Variants in NADK2 observed in about 807,000 individuals in gnomAD.
NADK2 encodes NAD kinase domain-containing protein 1, mitochondrial.
In NADK2, 35 loss-of-function variants were observed where a neutral mutation model predicts 62.1. The observed-to-expected ratio is 0.56, with a 90% CI of 0.43 to 0.75. The LOEUF (loss-of-function observed/expected upper bound fraction) is 0.75, where lower values mean the gene tolerates loss of function less well. Among genes scored for constraint, NADK2 ranks in the 30% least tolerant of loss-of-function variants. NADK2 has a pLI of 0.00. For missense variants in NADK2, 439 were observed against 561.3 expected (o/e 0.78, Z 2.20); for synonymous variants, 205 against 207.9 (o/e 0.99, Z 0.12).
At position 36,211,897 on chromosome 5, in the gene NADK2, A is replaced by C; in HGVS notation, c.807T>G (p.Leu269=). Residue 269 remains leucine (L), a synonymous_variant, in exon 7 of 12, where the codon CTT becomes CTG. Coordinates refer to ENST00000381937, the MANE Select transcript of NADK2 (RefSeq NM_001085411.3). ...DERSEASGPQ[L]LPVRALNEVF... Reference sequence around the variant, plus strand: ...CTTCATTTAGTGCTCTCACTGGCAGAAGTTGGGGTCCTGAAGCCTCAGACC... The same window carrying C: ...CTTCATTTAGTGCTCTCACTGGCAGCAGTTGGGGTCCTGAAGCCTCAGACC... The C allele has an allele frequency of 6.2e-7, 1 of 1,613,780 alleles. No individual in the cohort carries two copies. Among genetic ancestry groups the C allele is most frequent in the Middle Eastern group, 1.7e-4 (1 of 6,054 alleles).
chr5:36,204,845 A>G (rs191086932), intron 8 of NADK2, among the ~76,000 whole-genome samples: 96 of 152,156 alleles, frequency 6.3e-4, no homozygotes, highest in African/African-American at 2.2e-3. Context: ...AGAGGTAACA[A>G]GATTGGGCAT....
intron 7 of NADK2, among the ~76,000 whole-genome samples, chr5:36,210,424 T>G (rs1368725020): frequency 6.6e-6 from 1 of 152,220 alleles, no homozygotes; most frequent in Non-Finnish European, 1.5e-5. Flanking sequence ...TTAACCTTAA[T>G]TTTTGCAATA....
In NADK2 at chr5:36,193,539, C is replaced by CTTCTT. The variant is rs1262136191; in HGVS notation, c.*1600_*1604dup. ...TTAGGGGAGGTTCTATAGTATGGAGCTTCTTTATAAAGTGGTATCTTATGT... is the reference window on the plus strand; with the variant it reads ...TTAGGGGAGGTTCTATAGTATGGAGCTTCTTTTCTTTATAAAGTGGTATCTTATGT... On this transcript the variant is annotated 3_prime_UTR_variant, in exon 12 of 12. Transcript: ENST00000381937. The CTTCTT allele has an allele frequency of 1.4e-5, 2 of 145,362 alleles. No individual in the cohort carries two copies. Among genetic ancestry groups the CTTCTT allele is most frequent in the Non-Finnish European group, 3.0e-5 (2 of 67,046 alleles). The allele number at this position is 145,362 out of a possible 1,614,324, so 9.0% of individuals were successfully genotyped here. A position where few individuals can be genotyped will look rare whatever the true frequency, so the allele number is the denominator to read the frequency against.
intron 4 of NADK2, among the ~76,000 whole-genome samples, chr5:36,219,898 T>C (rs973128988): frequency 2.0e-5 from 3 of 152,186 alleles, no homozygotes; most frequent in Non-Finnish European, 4.4e-5. Context: ...TTTAATGCCA[T>C]AATACATAAT....
chr5:36,238,231 G>C (rs1747980371), intron 1 of NADK2, among the ~76,000 whole-genome samples: 1 of 152,206 alleles, frequency 6.6e-6, no homozygotes. Flanking sequence ...CTGCCCAAGT[G>C]CTACAACCTA....
intron 1 of NADK2, among the ~76,000 whole-genome samples, chr5:36,238,814 A>G (rs944765492): frequency 1.2e-4 from 18 of 152,262 alleles, no homozygotes; most frequent in East Asian, 1.2e-3. Context: ...TTTTAAAATA[A>G]AGCAATGTAA....
intron 11 of NADK2, 46 bp downstream of exon 11, chr5:36,197,495 A>G: frequency 6.2e-7 from 1 of 1,610,074 alleles, no homozygotes; most frequent in South Asian, 1.1e-5. Context: ...GCTTTGTAAC[A>G]ATGAAAGGGA....
chr5:36,197,898 A>T (rs931611795), intron 10 of NADK2, among the ~76,000 whole-genome samples: 3 of 152,038 alleles, frequency 2.0e-5, no homozygotes, highest in African/African-American at 7.2e-5. Flanking sequence ...ACAATACAGT[A>T]GGAATAGGTA....
At chr5:36,210,086 C>G (rs948293796) in intron 7 of NADK2, among the ~76,000 whole-genome samples, 21 of 152,110 alleles carry the variant, frequency 1.4e-4, no homozygotes, top group African/African-American at 4.8e-4. Flanking sequence ...TTATGGAACT[C>G]TTAGTAAACT....
chr5:36,226,501 C>A lies in NADK2; in HGVS notation c.452G>T (p.Trp151Leu). The A allele has an allele frequency of 6.2e-7, 1 of 1,612,846 alleles. No homozygotes were observed. Among genetic ancestry groups the A allele is most frequent in the Non-Finnish European group, 8.5e-7 (1 of 1,179,344 alleles). The change falls in exon 3 of 12, where the codon TGG becomes TTG. Residue 151 changes from tryptophan to leucine, a missense_variant. Coordinates refer to ENST00000381937, the MANE Select transcript of NADK2 (RefSeq NM_001085411.3). Reference protein sequence around the residue: ...RREYDEETVRWADAVIAAGGD... With the variant: ...RREYDEETVRLADAVIAAGGD... ...TCCTGCAGCTATGACAGCATCTGCCCATCGAACAGTCTCTTCATCATATTC... is the reference window on the plus strand; with the variant it reads ...TCCTGCAGCTATGACAGCATCTGCCAATCGAACAGTCTCTTCATCATATTC...
chr5:36,216,477 C>T (rs1474618514), intron 6 of NADK2, among the ~76,000 whole-genome samples: 2 of 152,008 alleles, frequency 1.3e-5, no homozygotes, highest in East Asian at 3.9e-4. Context: ...AAGTCTTAGC[C>T]ATAAAATCTT....
chr5:36,223,751 G>A (rs1413732753), intron 4 of NADK2, among the ~76,000 whole-genome samples: 1 of 152,166 alleles, frequency 6.6e-6, no homozygotes, highest in Admixed American at 6.5e-5. Flanking sequence ...CAAAGTTTTA[G>A]AAAATAACTG....
At chr5:36,228,380 G>A (rs1456027390) in intron 1 of NADK2, among the ~76,000 whole-genome samples, 1 of 152,036 alleles carries the variant, frequency 6.6e-6, no homozygotes, top group Non-Finnish European at 1.5e-5. Context: ...TGTGTTATTT[G>A]TACTTTCTTT....
intron 11 of NADK2, among the ~76,000 whole-genome samples, chr5:36,195,823 G>C (rs948558332): frequency 1.3e-5 from 2 of 152,088 alleles, no homozygotes; most frequent in Non-Finnish European, 2.9e-5. Flanking sequence ...TCAAGCATAC[G>C]CACCTTCCTA....
chr5:36,228,384 T>A (rs1162505179), intron 1 of NADK2, among the ~76,000 whole-genome samples: 2 of 152,162 alleles, frequency 1.3e-5, no homozygotes, highest in African/African-American at 4.8e-5. Context: ...TTATTTGTAC[T>A]TTCTTTGCTC....
intron 8 of NADK2, among the ~76,000 whole-genome samples, chr5:36,204,865 A>C (rs767164783): frequency 1.1e-4 from 16 of 152,166 alleles, no homozygotes; most frequent in Non-Finnish European, 2.1e-4. Context: ...TGTGTTGATA[A>C]TTACTGAAAC....
chr5:36,222,631 T>C (rs1301413247), intron 4 of NADK2, among the ~76,000 whole-genome samples: 1 of 152,192 alleles, frequency 6.6e-6, no homozygotes, highest in African/African-American at 2.4e-5. Context: ...AAAGATTTAA[T>C]AAGAAGTGGA....
Position 36,197,668 on chromosome 5 carries a change from C to T in NADK2, c.1067-4G>A. 1 of 1,519,008 alleles carries T rather than the reference C, an allele frequency of 6.6e-7. No homozygotes were observed. 94.1% of individuals were successfully genotyped at this position (1,519,008 alleles called of 1,614,324 possible). On this transcript the variant is annotated splice_region_variant and splice_polypyrimidine_tract_variant and intron_variant, in intron 10 of 11. Coordinates refer to ENST00000381937, the MANE Select transcript of NADK2 (RefSeq NM_001085411.3). ...GATTCATTATATTCATTTGTTACTACAAAGAAAAAAAAATTAGCACACTCA... is the reference window on the plus strand; with the variant it reads ...GATTCATTATATTCATTTGTTACTATAAAGAAAAAAAAATTAGCACACTCA...
intron 1 of NADK2, among the ~76,000 whole-genome samples, chr5:36,230,451 T>C (rs1747666238): frequency 6.6e-6 from 1 of 152,230 alleles, no homozygotes; most frequent in African/African-American, 2.4e-5. Context: ...TTACCACACC[T>C]AAAATTTCCT....
Sources: allele counts gnomAD v4.1 joint callset (sites outside exome capture counted in the v4.1 genomes callset), GRCh38; gene constraint gnomAD v4.1.1; transcripts MANE v1.5; gene names NCBI Gene and HGNC (gene_info 2026-07-23, HGNC 2026-07-21).